The following CNTN1 variants were observed in gnomAD, a reference collection of about 807,000 sequenced individuals.
CNTN1 encodes the protein contactin 1, also known as contactin-1.
In CNTN1, 38 loss-of-function variants were observed where a neutral mutation model predicts 126.4. That is an observed-to-expected ratio of 0.30 (90% confidence interval 0.23 to 0.39). The LOEUF is 0.39. CNTN1 is among the 10% of genes least tolerant of loss of function. The pLI, the probability that CNTN1 is intolerant of heterozygous loss-of-function variation, is 1.00. For missense variants in CNTN1, 1,009 were observed against 1,248.4 expected (o/e 0.81, Z 2.89); for synonymous variants, 413 against 422.6 (o/e 0.98, Z 0.28).
chr12:40,715,872 A>G (rs571393189), intron 1 of CNTN1, among the ~76,000 whole-genome samples: 12 of 152,170 alleles, frequency 7.9e-5, no homozygotes, highest in Non-Finnish European at 1.5e-4. Context: ...AACTTTAACA[A>G]TACTGATCTG....
chr12:40,962,068 C>T (rs920091339), intron 15 of CNTN1, among the ~76,000 whole-genome samples: 3 of 151,894 alleles, frequency 2.0e-5, no homozygotes, highest in African/African-American at 7.3e-5. Flanking sequence ...ATCTGAGGAT[C>T]GCTAAAAAAT....
At chr12:41,044,253 G>T (rs1316272618) in intron 23 of CNTN1, among the ~76,000 whole-genome samples, 1 of 151,936 alleles carries the variant, frequency 6.6e-6, no homozygotes, top group African/African-American at 2.4e-5. Context: ...GATTGTTTTG[G>T]ATTCAAGAAA....
intron 14 of CNTN1, among the ~76,000 whole-genome samples, chr12:40,947,261 C>A (rs1946466580): frequency 6.6e-6 from 1 of 151,986 alleles, no homozygotes; most frequent in Non-Finnish European, 1.5e-5. Context: ...TCCACTGGAA[C>A]TTGAACTCAT....
intron 2 of CNTN1, among the ~76,000 whole-genome samples, chr12:40,909,756 A>G (rs1944962877): frequency 1.3e-5 from 2 of 151,580 alleles, no homozygotes; most frequent in Admixed American, 6.6e-5. Context: ...TTACATATAT[A>G]TAATGTAAAT....
intron 17 of CNTN1, among the ~76,000 whole-genome samples, chr12:41,004,693 C>G (rs1948448171): frequency 6.8e-6 from 1 of 147,308 alleles, no homozygotes; most frequent in African/African-American, 2.7e-5. Context: ...ATGTAATTCC[C>G]TTGACTTTTT....
intron 21 of CNTN1, among the ~76,000 whole-genome samples, 165 bp downstream of exon 21, chr12:41,025,501 A>C (rs1949018576): frequency 6.6e-6 from 1 of 152,208 alleles, no homozygotes; most frequent in South Asian, 2.1e-4. Context: ...ATTGTAGATG[A>C]TGAAAAAATG....
chr12:41,027,748 T>A (rs1949063442), intron 21 of CNTN1, 109 bp from the exon 22 acceptor site: 2 of 751,908 alleles, frequency 2.7e-6, no homozygotes, highest in Admixed American at 3.9e-5. Context: ...TTATTAAAAC[T>A]AGATGGTGGT....
intron 16 of CNTN1, among the ~76,000 whole-genome samples, chr12:40,988,619 C>T (rs1167765857): frequency 6.6e-6 from 1 of 152,110 alleles, no homozygotes; most frequent in African/African-American, 2.4e-5. Flanking sequence ...ATGGTGGAAA[C>T]TTCTTTTTAT....
At chr12:40,778,195 T>TA (rs746438485) in intron 1 of CNTN1, among the ~76,000 whole-genome samples, 2 of 151,840 alleles carry the variant, frequency 1.3e-5, no homozygotes, top group Non-Finnish European at 2.9e-5. Flanking sequence ...TACCAAACTA[T>TA]AAAAAAGTAT....
chr12:40,748,096 G>A (rs1938257992), intron 1 of CNTN1, among the ~76,000 whole-genome samples: 1 of 152,100 alleles, frequency 6.6e-6, no homozygotes, highest in South Asian at 2.1e-4. Flanking sequence ...TGGTGCTTTA[G>A]GCAGTGGTTT....
At chr12:40,952,865 T>C (rs1052040103) in intron 14 of CNTN1, among the ~76,000 whole-genome samples, 21 of 152,162 alleles carry the variant, frequency 1.4e-4, no homozygotes, top group Admixed American at 1.2e-3. Context: ...TCAGACATAT[T>C]TAATAATTTT....
intron 1 of CNTN1, among the ~76,000 whole-genome samples, chr12:40,785,277 G>C (rs959161893): frequency 6.6e-6 from 1 of 152,144 alleles, no homozygotes; most frequent in African/African-American, 2.4e-5. Flanking sequence ...AGGCTGTACA[G>C]GAAGCATGGT....
intron 1 of CNTN1, among the ~76,000 whole-genome samples, chr12:40,808,418 G>A (rs1021083839): frequency 5.9e-5 from 9 of 151,940 alleles, no homozygotes; most frequent in African/African-American, 1.2e-4. Flanking sequence ...TGATGTCATC[G>A]AACATCATAT....
At chr12:41,033,155 T>C (rs1333101036) in intron 23 of CNTN1, among the ~76,000 whole-genome samples, 1 of 152,230 alleles carries the variant, frequency 6.6e-6, no homozygotes, top group Non-Finnish European at 1.5e-5. Context: ...CACTTCTATC[T>C]GACTTGAACA....
At chr12:40,840,415 C>T (rs1397607115) in intron 1 of CNTN1, among the ~76,000 whole-genome samples, 1 of 151,862 alleles carries the variant, frequency 6.6e-6, no homozygotes, top group Non-Finnish European at 1.5e-5. Context: ...ACACCCCACT[C>T]TCAGCATTAG....
chr12:40,762,358 A>T (rs1160684582), intron 1 of CNTN1, among the ~76,000 whole-genome samples: 7 of 148,848 alleles, frequency 4.7e-5, no homozygotes, highest in Non-Finnish European at 1.0e-4. Flanking sequence ...AACTGTGAGT[A>T]AAAATCATGA....
chr12:40,727,391 T>A (rs1942385049), intron 1 of CNTN1, among the ~76,000 whole-genome samples: 1 of 151,628 alleles, frequency 6.6e-6, no homozygotes, highest in Non-Finnish European at 1.5e-5. Context: ...AGAGGATACA[T>A]GGAATGTAGA....
chr12:40,826,020 C>T (rs767009446), intron 1 of CNTN1, among the ~76,000 whole-genome samples: 2 of 152,156 alleles, frequency 1.3e-5, no homozygotes, highest in Non-Finnish European at 2.9e-5. Flanking sequence ...TCCTTCCACT[C>T]ACTGAAGAAA....
intron 6 of CNTN1, among the ~76,000 whole-genome samples, chr12:40,926,386 T>C (rs1257862921): frequency 1.3e-5 from 2 of 152,102 alleles, no homozygotes; most frequent in Middle Eastern, 3.4e-3. Context: ...GGTCAGACTA[T>C]GGAAGACCAA....
Sources: allele counts gnomAD v4.1 joint callset (sites outside exome capture counted in the v4.1 genomes callset), GRCh38; gene constraint gnomAD v4.1.1; transcripts MANE v1.5; gene names NCBI Gene and HGNC (gene_info 2026-07-23, HGNC 2026-07-21).